The following CSTPP1 variants were observed in gnomAD, a reference collection of about 807,000 sequenced individuals.
The protein encoded by CSTPP1 is UPF0705 protein C11orf49.
chr11:47,157,227 C>T, the CSTPP1 span: 1,714 of 1,555,056 alleles, frequency 1.1e-3, 2 homozygotes, highest in Admixed American at 2.9e-3. Flanking sequence ...AGGTGAGGAA[C>T]GGGCATGCAG....
chr11:47,117,185 C>T, the CSTPP1 span, among the ~76,000 whole-genome samples: 3 of 152,220 alleles, frequency 2.0e-5, no homozygotes, highest in African/African-American at 7.2e-5. Context: ...TTAAGATGTT[C>T]GCTGGTTATT....
the CSTPP1 span, among the ~76,000 whole-genome samples, chr11:47,097,065 C>G: frequency 4.7e-5 from 7 of 148,914 alleles, no homozygotes; most frequent in Admixed American, 3.3e-4. Context: ...GGTCAGCCCC[C>G]CCACCCGGCC....
the CSTPP1 span, among the ~76,000 whole-genome samples, chr11:47,124,982 T>C: frequency 6.6e-6 from 1 of 151,920 alleles, no homozygotes; most frequent in Non-Finnish European, 1.5e-5. Context: ...CAGGAAACCA[T>C]ACTTTGAAAA....
the CSTPP1 span, among the ~76,000 whole-genome samples, chr11:47,133,124 G>C: frequency 2.0e-5 from 3 of 152,252 alleles, no homozygotes; most frequent in African/African-American, 7.2e-5. Flanking sequence ...ATTTGGACCC[G>C]AACAATCTAA....
At chr11:46,994,688 T>C in the CSTPP1 span, among the ~76,000 whole-genome samples, 48 of 152,360 alleles carry the variant, frequency 3.2e-4, 1 homozygote, top group Admixed American at 2.7e-3. Flanking sequence ...CAGTATTTTA[T>C]TGAGGATTTT....
the CSTPP1 span, chr11:47,137,515 C>T: frequency 6.5e-7 from 1 of 1,535,774 alleles, no homozygotes; most frequent in Non-Finnish European, 8.7e-7. Flanking sequence ...ACTAGCATAC[C>T]CTTCACACTG....
At chr11:47,000,569 G>A in the CSTPP1 span, among the ~76,000 whole-genome samples, 1 of 152,178 alleles carries the variant, frequency 6.6e-6, no homozygotes, top group Non-Finnish European at 1.5e-5. Context: ...TTGGTTGCAA[G>A]GGAAAGAAGT....
chr11:47,071,978 C>G, the CSTPP1 span, among the ~76,000 whole-genome samples: 2 of 152,256 alleles, frequency 1.3e-5, no homozygotes, highest in African/African-American at 4.8e-5. Context: ...ATCCCCCACT[C>G]TGTGGGAGAG....
chr11:47,028,334 G>A, the CSTPP1 span, among the ~76,000 whole-genome samples: 1 of 152,122 alleles, frequency 6.6e-6, no homozygotes, highest in Non-Finnish European at 1.5e-5. Context: ...AGCTCATTCC[G>A]AATACATCAT....
At chr11:47,008,770 C>A in the CSTPP1 span, among the ~76,000 whole-genome samples, 1 of 152,052 alleles carries the variant, frequency 6.6e-6, no homozygotes, top group Non-Finnish European at 1.5e-5. Flanking sequence ...ATTTCCCTGG[C>A]TCATGCCTCC....
At chr11:46,950,876 C>T in the CSTPP1 span, among the ~76,000 whole-genome samples, 16 of 152,166 alleles carry the variant, frequency 1.1e-4, no homozygotes, top group African/African-American at 3.6e-4. Context: ...AGCCACCCGC[C>T]TCAGCCTCCC....
the CSTPP1 span, among the ~76,000 whole-genome samples, chr11:47,133,054 G>A: frequency 6.6e-6 from 1 of 152,184 alleles, no homozygotes; most frequent in South Asian, 2.1e-4. Flanking sequence ...TCATAGATGG[G>A]GAAACTGAGG....
At chr11:47,136,656 G>A in the CSTPP1 span, among the ~76,000 whole-genome samples, 2 of 152,264 alleles carry the variant, frequency 1.3e-5, no homozygotes, top group African/African-American at 2.4e-5. Context: ...CCAAGTGCCT[G>A]TGATCATCAT....
chr11:47,083,097 A>G, the CSTPP1 span, among the ~76,000 whole-genome samples: 2 of 145,058 alleles, frequency 1.4e-5, no homozygotes, highest in African/African-American at 5.2e-5. Context: ...ATGTGTTCTC[A>G]TTGTTCAGCT....
chr11:47,058,125 G>A, the CSTPP1 span, among the ~76,000 whole-genome samples: 1 of 152,186 alleles, frequency 6.6e-6, no homozygotes, highest in Non-Finnish European at 1.5e-5. Context: ...CTTGAGCCCA[G>A]GAGTTCATGA....
the CSTPP1 span, among the ~76,000 whole-genome samples, chr11:46,960,725 G>GCC: frequency 6.6e-6 from 1 of 152,130 alleles, no homozygotes; most frequent in African/African-American, 2.4e-5. Context: ...GGTGGCGGGT[G>GCC]CCTGTAATCT....
At chr11:47,068,932 C>T in the CSTPP1 span, among the ~76,000 whole-genome samples, 3 of 151,896 alleles carry the variant, frequency 2.0e-5, no homozygotes, top group Non-Finnish European at 4.4e-5. Context: ...TAATCAGTGG[C>T]ACATTTACAG....
At chr11:47,044,917 T>C in the CSTPP1 span, among the ~76,000 whole-genome samples, 1 of 152,102 alleles carries the variant, frequency 6.6e-6, no homozygotes, top group Non-Finnish European at 1.5e-5. Context: ...TCAAAAAATG[T>C]ATATGTGGGC....
chr11:46,983,365 C>A, the CSTPP1 span, among the ~76,000 whole-genome samples: 3 of 152,140 alleles, frequency 2.0e-5, no homozygotes, highest in Non-Finnish European at 4.4e-5. Flanking sequence ...TGATGAAATT[C>A]TAAATGCTTA....
Sources: allele counts gnomAD v4.1 joint callset (sites outside exome capture counted in the v4.1 genomes callset), GRCh38; gene constraint gnomAD v4.1.1; transcripts MANE v1.5; gene names NCBI Gene and HGNC (gene_info 2026-07-23, HGNC 2026-07-21).